EPHA7: variants seen among roughly 807,000 people sequenced by gnomAD.
The protein encoded by EPHA7 is ephrin type-A receptor 7.
A neutral mutation model predicts 112.6 loss-of-function variants in EPHA7; 25 were observed. The observed-to-expected ratio is 0.22, with a 90% CI of 0.16 to 0.31. The LOEUF (loss-of-function observed/expected upper bound fraction) is 0.31. EPHA7 is among the 10% of genes least tolerant of loss of function. The probability of loss-of-function intolerance (pLI) is 1.00; values close to 1 mark genes in which losing one functional copy is unlikely to be tolerated. For missense variants in EPHA7, 962 were observed against 1,212.6 expected (o/e 0.79, Z 3.07); for synonymous variants, 437 against 406.5 (o/e 1.07, Z -0.90).
At chr6:93,397,317 T>A (rs561916421) in intron 3 of EPHA7, among the ~76,000 whole-genome samples, 25 of 151,990 alleles carry the variant, frequency 1.6e-4, no homozygotes, top group African/African-American at 5.8e-4. Flanking sequence ...TAATTATCAA[T>A]TTTTACTTAG....
chr6:93,383,942 C>T (rs12529039), intron 3 of EPHA7, among the ~76,000 whole-genome samples: 4,221 of 152,176 alleles, frequency 0.028, 108 homozygotes, highest in Non-Finnish European at 0.043. Context: ...CCTGCCTCAG[C>T]CCCGCAAAGT....
intron 5 of EPHA7, among the ~76,000 whole-genome samples, chr6:93,291,551 G>A (rs1474594517): frequency 6.6e-6 from 1 of 151,350 alleles, no homozygotes; most frequent in Non-Finnish European, 1.5e-5. Flanking sequence ...GGCGGATCAC[G>A]AGGTCAGGAG....
intron 5 of EPHA7, among the ~76,000 whole-genome samples, chr6:93,288,584 C>T (rs1772192500): frequency 6.6e-6 from 1 of 152,180 alleles, no homozygotes. Flanking sequence ...GTTTAAAATA[C>T]TTAATTTTGC....
At position 93,266,280 on chromosome 6, in the gene EPHA7, A is replaced by T. The variant is rs1003151752; in HGVS notation, c.1634-1578T>A. On this transcript the variant is annotated intron_variant, in intron 7 of 16. Coordinates refer to ENST00000369303, the MANE Select transcript of EPHA7 (RefSeq NM_004440.4). ...TCATGAGGAAGAAAAAATTATGTAC[A>T]TATGTTATGAAATTCTTTCCATTCA... Among the ~76,000 whole-genome samples, 3 of 151,634 alleles carry T rather than the reference A, an allele frequency of 2.0e-5. No individual in the cohort carries two copies. The Admixed American group carries it at 2.0e-4, about 10-fold the overall frequency.
At chr6:93,412,617 T>G (rs1779031351) in intron 2 of EPHA7, among the ~76,000 whole-genome samples, 1 of 152,086 alleles carries the variant, frequency 6.6e-6, no homozygotes, top group Admixed American at 6.5e-5. Context: ...TCCCTTTGTT[T>G]CAGTTAGCTG....
intron 13 of EPHA7, 108 bp downstream of exon 13, chr6:93,255,720 G>T: frequency 1.0e-6 from 1 of 963,062 alleles, no homozygotes; most frequent in Non-Finnish European, 1.6e-6. Context: ...AAAATGCTTA[G>T]CTCAATTTGC....
chr6:93,314,316 A>C lies in EPHA7; in HGVS notation c.1325-41894T>G, dbSNP rs150924286. Among the ~76,000 whole-genome samples the C allele has an allele frequency of 3.4e-3, 523 of 152,250 alleles. 12 individuals are homozygous for C. The highest frequency in any genetic ancestry group is 7.1e-4 in the Non-Finnish European group (48 of 68,028). ...TTATATTGTCTAACATTAATCATTT[A>C]TGTATTATTTAACTAGCATAGTAAT... On this transcript the variant is annotated intron_variant, in intron 5 of 16. Transcript: ENST00000369303.
intron 7 of EPHA7, among the ~76,000 whole-genome samples, chr6:93,265,547 T>G (rs1448457077): frequency 6.6e-6 from 1 of 151,682 alleles, no homozygotes; most frequent in Non-Finnish European, 1.5e-5. Context: ...ACTAGTGAAG[T>G]TTTATTTATA....
At chr6:93,337,074 A>G (rs962534735) in intron 5 of EPHA7, among the ~76,000 whole-genome samples, 3 of 152,172 alleles carry the variant, frequency 2.0e-5, no homozygotes, top group Admixed American at 6.6e-5. Flanking sequence ...CAGTCAGTAC[A>G]GTGAGAATCT....
chr6:93,243,929 T>A (rs558134536), intron 16 of EPHA7, among the ~76,000 whole-genome samples: 1 of 152,216 alleles, frequency 6.6e-6, no homozygotes, highest in South Asian at 2.1e-4. Context: ...TAAAGGATAA[T>A]GAAAACAGTT....
chr6:93,266,452 T>A (rs1254101595), intron 7 of EPHA7, among the ~76,000 whole-genome samples: 1 of 151,698 alleles, frequency 6.6e-6, no homozygotes, highest in Non-Finnish European at 1.5e-5. Flanking sequence ...TTTTTGTATA[T>A]TGTCAGGGTC....
In EPHA7 at chr6:93,348,380, T is replaced by C. The variant is rs544358391; in HGVS notation, c.1324+8337A>G. On this transcript the variant is annotated intron_variant, in intron 5 of 16. Transcript: ENST00000369303. Reference sequence around the variant, plus strand: ...AAAATAATGTATGAAAAGCTGATATTATGTTCCTAGGTACTAAAGAAAGCA... The same window carrying C: ...AAAATAATGTATGAAAAGCTGATATCATGTTCCTAGGTACTAAAGAAAGCA... 3.9e-5 allele frequency among the ~76,000 whole-genome samples: 6 copies of C among 151,976 alleles called. No individual in the cohort carries two copies. In the South Asian group the frequency reaches 1.2e-3, roughly 31 times the overall value.
At chr6:93,271,441 G>A (rs1342825151) in intron 6 of EPHA7, among the ~76,000 whole-genome samples, 1 of 151,666 alleles carries the variant, frequency 6.6e-6, no homozygotes, top group East Asian at 1.9e-4. Context: ...AGCACTTCAG[G>A]TAACTCAGGT....
chr6:93,282,334 C>T (rs749340237), intron 5 of EPHA7, among the ~76,000 whole-genome samples: 7 of 152,224 alleles, frequency 4.6e-5, no homozygotes, highest in Non-Finnish European at 7.3e-5. Flanking sequence ...TAGGTGACTA[C>T]ACTGTTTATA....
intron 5 of EPHA7, among the ~76,000 whole-genome samples, chr6:93,281,477 A>G (rs1562065332): frequency 6.6e-6 from 1 of 152,174 alleles, no homozygotes; most frequent in African/African-American, 2.4e-5. Flanking sequence ...CTTTAATGAC[A>G]AAATAATCAT....
In EPHA7 at chr6:93,272,390, T is replaced by C. The variant is rs147680635; in HGVS notation, c.1357A>G (p.Arg453Gly). Residue 453 changes from arginine to glycine, a missense_variant, in exon 6 of 17, where the codon AGA becomes GGA. Physicochemically the swap from Arg to Gly is moderately radical, Grantham distance 125. Coordinates refer to ENST00000369303, the MANE Select transcript of EPHA7 (RefSeq NM_004440.4). ...AGCTCGACACTCCGCTGCAGTACTC[T>C]CTCCTTCATTACTCCACTCACTTGC... ...PSQVSGVMKE[R>G]VLQRSVELSW... The C allele has an allele frequency of 2.5e-6, 4 of 1,612,086 alleles. No individual in the cohort carries two copies. The African/African-American group carries it at 5.3e-5, about 22-fold the overall frequency.
intron 3 of EPHA7, among the ~76,000 whole-genome samples, chr6:93,381,563 C>T (rs471358): frequency 0.15 from 23,193 of 151,776 alleles, 2,841 homozygotes; most frequent in African/African-American, 0.35. Context: ...TTAATTATAA[C>T]AAATGGATAA....
chr6:93,309,946 T>C (rs750268854), intron 5 of EPHA7, among the ~76,000 whole-genome samples: 1 of 152,206 alleles, frequency 6.6e-6, no homozygotes, highest in East Asian at 1.9e-4. Context: ...GCATGGAGAA[T>C]TAATTTTTAA....
At chr6:93,247,145 T>C (rs766227270) in intron 14 of EPHA7, among the ~76,000 whole-genome samples, 160 bp from the exon 15 acceptor site, 1 of 152,102 alleles carries the variant, frequency 6.6e-6, no homozygotes, top group Non-Finnish European at 1.5e-5. Flanking sequence ...ATTAAGCATG[T>C]TATTAAGGAG....
Sources: gnomAD v4.1 joint callset for allele counts (sites outside exome capture counted in the v4.1 genomes callset) on GRCh38, gnomAD v4.1.1 for gene constraint, MANE v1.5 for transcripts, NCBI Gene and HGNC (gene_info 2026-07-23, HGNC 2026-07-21) for gene names.